Variants in KANK1 observed in about 807,000 individuals in gnomAD.
The protein encoded by KANK1 is KN motif and ankyrin repeat domains 1, also known as KN motif and ankyrin repeat domain-containing protein 1.
Under a neutral mutation model 106.2 loss-of-function variants are expected in KANK1, and 109 were observed. The ratio of observed to expected loss-of-function variants is 1.03; its 90% CI spans 0.88 to 1.20. The LOEUF is 1.20. KANK1 is among the 50% of genes most tolerant of loss of function. The probability of loss-of-function intolerance (pLI) is 0.00; values close to 1 mark genes in which losing one functional copy is unlikely to be tolerated. For synonymous variants in KANK1, 873 were observed against 652.2 expected (o/e 1.34, Z -5.16); for missense variants, 2,399 against 1,710.7 (o/e 1.40, Z -7.10).
intron 2 of KANK1, chr9:693,519 C>G: frequency 2.0e-6 from 2 of 985,342 alleles, no homozygotes; most frequent in Non-Finnish European, 2.4e-6. Flanking sequence ...TGAGAGAGGG[C>G]TTTGCCTCTT....
intron 3 of KANK1, among the ~76,000 whole-genome samples, chr9:477,020 T>TTA (rs1354398656): frequency 2.0e-5 from 3 of 152,194 alleles, no homozygotes; most frequent in Non-Finnish European, 4.4e-5. Flanking sequence ...ATCTACAAGT[T>TTA]TATGGTAAAG....
chr9:533,352 T>C (rs2060150684), intron 1 of KANK1, among the ~76,000 whole-genome samples: 1 of 152,180 alleles, frequency 6.6e-6, no homozygotes, highest in Non-Finnish European at 1.5e-5. Flanking sequence ...ATGTTTAACC[T>C]TTCTAAGTCT....
chr9:601,872 T>C (rs904528219), intron 1 of KANK1, among the ~76,000 whole-genome samples: 1 of 151,852 alleles, frequency 6.6e-6, no homozygotes, highest in African/African-American at 2.4e-5. Flanking sequence ...CTGGGTCCTT[T>C]TACTGGACAA....
In KANK1 at chr9:497,454, T is replaced by TCA. The variant is rs1457844837; in HGVS notation, c.-362+24185_-362+24186dup. On this transcript the variant is annotated intron_variant, in intron 3 of 15. Coordinates refer to the KANK1 transcript ENST00000382303. ...TTCACACACACACACACACTCACAC[T>TCA]CACACTCTTGCCACCATGACTTCCA... Among the ~76,000 whole-genome samples, 752 of 146,298 alleles carry TCA rather than the reference T, an allele frequency of 5.1e-3. 45 individuals carry two copies. The South Asian group carries it at 0.12, about 22-fold the overall frequency.
At chr9:723,044 T>G (rs1226949888) in intron 3 of KANK1, among the ~76,000 whole-genome samples, 1 of 152,204 alleles carries the variant, frequency 6.6e-6, no homozygotes, top group Non-Finnish European at 1.5e-5. Flanking sequence ...GAAAAGAGTA[T>G]GGGTCGAATT....
intron 1 of KANK1, among the ~76,000 whole-genome samples, chr9:513,071 C>G (rs757000785): frequency 3.3e-5 from 5 of 152,164 alleles, no homozygotes; most frequent in Non-Finnish European, 7.3e-5. Context: ...CAATGAGGCT[C>G]TTGTTAAAAC....
At chr9:707,045 G>T (rs1226444196) in intron 2 of KANK1, 1 of 985,376 alleles carries the variant, frequency 1.0e-6, no homozygotes, top group African/African-American at 1.7e-5. Context: ...TGCGGCGGGG[G>T]TGGTGTCACT....
At chr9:685,686 G>A (rs1158632387) in intron 2 of KANK1, 3 of 152,162 alleles carry the variant, frequency 2.0e-5, no homozygotes, top group African/African-American at 4.8e-5. Flanking sequence ...CTAGTACTGA[G>A]TTTATTTTAG....
chr9:551,081 T>C (rs2061250822), intron 1 of KANK1, among the ~76,000 whole-genome samples: 1 of 151,782 alleles, frequency 6.6e-6, no homozygotes, highest in South Asian at 2.1e-4. Flanking sequence ...ATGAGGAACA[T>C]GATGTGGGTT....
intron 1 of KANK1, among the ~76,000 whole-genome samples, chr9:577,545 C>G (rs760917825): frequency 2.1e-4 from 32 of 152,180 alleles, no homozygotes; most frequent in Non-Finnish European, 4.0e-4. Context: ...GCACCCGACC[C>G]AGAAGCTCAG....
Position 712,130 on chromosome 9 carries a change from T to G in KANK1, c.1364T>G (p.Ile455Ser). The change falls in exon 3 of 12, where the codon ATT becomes AGT. Residue 455 changes from isoleucine to serine, a missense_variant. Physicochemically the swap from Ile to Ser is moderately radical, Grantham distance 142. Transcript: ENST00000382297. ...GTGATGACTGAAGCTGACAAAGAAATTGAGCTGCAACAGCAGACCATAGAA... is the reference window on the plus strand; with the variant it reads ...GTGATGACTGAAGCTGACAAAGAAAGTGAGCTGCAACAGCAGACCATAGAA... Reference protein sequence around the residue: ...LGVMTEADKEIELQQQTIESL... With the variant: ...LGVMTEADKESELQQQTIESL... The G allele has an allele frequency of 1.9e-6, 3 of 1,613,932 alleles. No homozygotes were observed. The highest frequency in any genetic ancestry group is 1.7e-6 in the Non-Finnish European group (2 of 1,180,008).
intron 1 of KANK1, among the ~76,000 whole-genome samples, chr9:602,803 G>A (rs530516390): frequency 3.3e-5 from 5 of 151,868 alleles, no homozygotes; most frequent in East Asian, 3.9e-4. Context: ...TTTTGACTGC[G>A]CTTTTAGTTC....
intron 1 of KANK1, among the ~76,000 whole-genome samples, chr9:548,767 G>A (rs374246690): frequency 2.6e-5 from 4 of 152,018 alleles, no homozygotes; most frequent in African/African-American, 9.7e-5. Flanking sequence ...TAATGACCAC[G>A]TTATGTTTAT....
rs188435973 is a variant in KANK1 at position 668,317 on chromosome 9, A to G, written c.-83-8573A>G. On this transcript the variant is annotated intron_variant, in intron 1 of 11. Coordinates refer to ENST00000382297, the MANE Select transcript of KANK1 (RefSeq NM_015158.5). ...ATCTGTTCATTGGTGAAAATGGGGTATTTGACGTCCTCCACTATTATTGTA... is the reference window on the plus strand; with the variant it reads ...ATCTGTTCATTGGTGAAAATGGGGTGTTTGACGTCCTCCACTATTATTGTA... Among the ~76,000 whole-genome samples the G allele has an allele frequency of 4.7e-3, 708 of 151,630 alleles. 25 individuals carry two copies. Among genetic ancestry groups the G allele is most frequent in the Admixed American group, 0.042 (645 of 15,184 alleles).
rs944473782 is a variant in KANK1 at position 696,015 on chromosome 9, A to G, written c.38-14789A>G. 2.6e-5 allele frequency among the ~76,000 whole-genome samples: 4 copies of G among 152,306 alleles called. No homozygotes were observed. In the East Asian group the frequency reaches 7.7e-4, roughly 29 times the overall value. ...CAAACATAAATACTGCTTGAGGGCC[A>G]GGCGCGGTGGCTCATGCCTGTAATC... On this transcript the variant is annotated intron_variant, in intron 2 of 11. Coordinates refer to ENST00000382297, the MANE Select transcript of KANK1 (RefSeq NM_015158.5).
At chr9:552,899 CT>C (rs1454561740) in intron 1 of KANK1, among the ~76,000 whole-genome samples, 7 of 152,156 alleles carry the variant, frequency 4.6e-5, no homozygotes, top group African/African-American at 7.2e-5. Flanking sequence ...AATCCTAGGA[CT>C]TTGGGAAGCC....
chr9:646,660 C>T (rs1033316204), intron 1 of KANK1, among the ~76,000 whole-genome samples: 1 of 149,962 alleles, frequency 6.7e-6, no homozygotes, highest in African/African-American at 2.5e-5. Context: ...GTTTATAGAG[C>T]AGTTCGCCTG....
intron 1 of KANK1, among the ~76,000 whole-genome samples, chr9:512,850 C>A (rs1285790580): frequency 1.3e-5 from 2 of 152,254 alleles, no homozygotes. Flanking sequence ...ACCTCTCTTT[C>A]CTCTTCTCTC....
At chr9:498,222 A>C (rs2058488004) in intron 3 of KANK1, among the ~76,000 whole-genome samples, 1 of 152,214 alleles carries the variant, frequency 6.6e-6, no homozygotes, top group Non-Finnish European at 1.5e-5. Context: ...CTATTTGCAC[A>C]CAATTCCAAG....
Sources: allele counts gnomAD v4.1 joint callset (sites outside exome capture counted in the v4.1 genomes callset), GRCh38; gene constraint gnomAD v4.1.1; transcripts MANE v1.5; gene names NCBI Gene and HGNC (gene_info 2026-07-23, HGNC 2026-07-21).